The following CCBE1 variants were observed in gnomAD, a reference collection of about 807,000 sequenced individuals.
The protein encoded by CCBE1 is collagen and calcium binding EGF domains 1.
CCBE1 carries 37 observed loss-of-function variants against 50.0 expected under a neutral mutation model. That is an observed-to-expected ratio of 0.74 (90% CI 0.57 to 0.97). The LOEUF is 0.97. Ranked by LOEUF, CCBE1 falls within the 50% of genes least tolerant of loss-of-function variation. The probability of loss-of-function intolerance (pLI) is 0.00; values close to 1 mark genes in which losing one functional copy is unlikely to be tolerated. For synonymous variants in CCBE1, 234 were observed against 203.7 expected (o/e 1.15, Z -1.27); for missense variants, 538 against 523.8 (o/e 1.03, Z -0.26).
chr18:59,669,663 G>A (rs549649272), intron 2 of CCBE1, among the ~76,000 whole-genome samples: 97 of 152,346 alleles, frequency 6.4e-4, no homozygotes, highest in African/African-American at 2.3e-3. Context: ...GTGCCCTTGT[G>A]CTCTCAACCC....
intron 2 of CCBE1, among the ~76,000 whole-genome samples, chr18:59,529,317 C>A (rs1371840047): frequency 2.0e-5 from 3 of 152,240 alleles, no homozygotes; most frequent in Non-Finnish European, 4.4e-5. Flanking sequence ...ATCTCCCAGG[C>A]ACTGGCAGGG....
At chr18:59,695,126 G>C (rs1441420842) in intron 2 of CCBE1, among the ~76,000 whole-genome samples, 1 of 152,196 alleles carries the variant, frequency 6.6e-6, no homozygotes, top group African/African-American at 2.4e-5. Flanking sequence ...AACTGTCACT[G>C]ATTTATGTGA....
intron 2 of CCBE1, among the ~76,000 whole-genome samples, chr18:59,601,111 A>C (rs1408016138): frequency 7.4e-6 from 1 of 135,728 alleles, no homozygotes; most frequent in African/African-American, 2.8e-5. Flanking sequence ...GGCTCACTGC[A>C]ACCTCTGCCT....
intron 10 of CCBE1, 50 bp from the exon 11 acceptor site, chr18:59,436,191 C>T: frequency 6.6e-7 from 1 of 1,525,324 alleles, no homozygotes. Context: ...CAGCAATGGC[C>T]TCCGGGGCTC....
At chr18:59,562,703 T>TAC (rs1568208092) in intron 2 of CCBE1, among the ~76,000 whole-genome samples, 1 of 152,224 alleles carries the variant, frequency 6.6e-6, no homozygotes, top group Non-Finnish European at 1.5e-5. Flanking sequence ...GGGTCAAGAC[T>TAC]ACCTCATGAA....
rs1057269871 is a variant in CCBE1, at chr18:59,432,699, T to C, written c.*3209A>G. 2.0e-5 allele frequency: 3 copies of C among 152,206 alleles called. No individual in the cohort carries two copies. Among genetic ancestry groups the C allele is most frequent in the Admixed American group, 6.5e-5 (1 of 15,280 alleles). 9.4% of individuals were successfully genotyped at this position (152,206 alleles called of 1,614,324 possible). Reference sequence around the variant, plus strand: ...TGACATTATAAAATACAGGTTACCATAAGTTTTGCTGGAGAATATTATCTG... The same window carrying C: ...TGACATTATAAAATACAGGTTACCACAAGTTTTGCTGGAGAATATTATCTG... On this transcript the variant is annotated 3_prime_UTR_variant, in exon 11 of 11. Transcript: ENST00000439986.
chr18:59,696,812 G>A (rs566366635), intron 1 of CCBE1, 103 bp from the exon 2 acceptor site: 17 of 1,272,518 alleles, frequency 1.3e-5, no homozygotes, highest in African/African-American at 2.9e-5. Flanking sequence ...CAGGCTCCCC[G>A]TCCCGGCGCT....
rs76321231 is a variant in CCBE1 at position 59,566,151 on chromosome 18, T to C, written c.213-85913A>G. The stretch of plus-strand genomic sequence containing the variant: ...ACCAGGGTGCCCCGCAGGCAGCAGG[T>C]CAGGAAATCAATCAGATGCATGGTT... On this transcript the variant is annotated intron_variant, in intron 2 of 10. Coordinates refer to ENST00000439986, the MANE Select transcript of CCBE1 (RefSeq NM_133459.4). Among the ~76,000 whole-genome samples the C allele has an allele frequency of 2.1e-3, 325 of 152,296 alleles. 6 individuals are homozygous for C. The East Asian group carries it at 0.031, about 14-fold the overall frequency.
chr18:59,660,972 G>A (rs954892202), intron 2 of CCBE1, among the ~76,000 whole-genome samples: 3 of 151,716 alleles, frequency 2.0e-5, no homozygotes, highest in Non-Finnish European at 4.4e-5. Flanking sequence ...TTCTTCCCAT[G>A]ACTACTCAAT....
chr18:59,435,965 G>A lies in CCBE1; in HGVS notation c.1164C>T (p.Asp388=), dbSNP rs1910134997. Residue 388 remains aspartate, a synonymous_variant, in exon 11 of 11, where the codon GAC becomes GAT. Transcript: ENST00000439986. ...PEAMDLGSGD[D]HPRRTETRDL... is the part of the protein sequence containing the mutation. Reference sequence around the variant, plus strand: ...CTCTTGTCTCAGTTCTTCTTGGATGGTCATCTCCAGAGCCCAGGTCCATGG... The same window carrying A: ...CTCTTGTCTCAGTTCTTCTTGGATGATCATCTCCAGAGCCCAGGTCCATGG... 2 of 1,613,984 alleles carry A rather than the reference G, an allele frequency of 1.2e-6. No individual in the cohort carries two copies. Among genetic ancestry groups the A allele is most frequent in the African/African-American group, 2.7e-5 (2 of 74,894 alleles).
At chr18:59,596,493 G>A (rs778424539) in intron 2 of CCBE1, among the ~76,000 whole-genome samples, 1 of 152,132 alleles carries the variant, frequency 6.6e-6, no homozygotes, top group Non-Finnish European at 1.5e-5. Flanking sequence ...AGCATGCTAG[G>A]TCTAGACTGA....
chr18:59,470,088 A>G (rs1911958485), intron 3 of CCBE1, among the ~76,000 whole-genome samples: 1 of 152,308 alleles, frequency 6.6e-6, no homozygotes, highest in South Asian at 2.1e-4. Flanking sequence ...TTGTGTATAC[A>G]TGTCTAGTCT....
Position 59,625,430 on chromosome 18 carries a change from C to CAAAAAAAAAAAAAA in CCBE1, c.212+71185_212+71198dup, listed in dbSNP as rs750324482. 1.6e-3 allele frequency among the ~76,000 whole-genome samples: 109 copies of CAAAAAAAAAAAAAA among 69,872 alleles called. 7 individuals carry two copies. The highest frequency in any genetic ancestry group is 6.2e-3 in the African/African-American group (102 of 16,438). The allele number at this position is 69,872 out of a possible 152,430, so 45.8% of individuals were successfully genotyped here. On this transcript the variant is annotated intron_variant, in intron 2 of 10. Coordinates refer to ENST00000439986, the MANE Select transcript of CCBE1 (RefSeq NM_133459.4). ...TGGGCTACAGAGTGAGATTCTGTCT[C>CAAAAAAAAAAAAAA]AAAAAAAAAAAAAAAAAAAAAAAAT...
intron 2 of CCBE1, among the ~76,000 whole-genome samples, chr18:59,500,374 C>G (rs192237508): frequency 6.6e-6 from 1 of 152,150 alleles, no homozygotes; most frequent in Non-Finnish European, 1.5e-5. Context: ...ATGAAGTCTT[C>G]GGAGGAAGGG....
At chr18:59,587,697 C>G (rs2053197535) in intron 2 of CCBE1, among the ~76,000 whole-genome samples, 1 of 152,068 alleles carries the variant, frequency 6.6e-6, no homozygotes, top group African/African-American at 2.4e-5. Context: ...TTCTGAAAGT[C>G]TCAGCTACTG....
intron 2 of CCBE1, among the ~76,000 whole-genome samples, chr18:59,606,005 G>A (rs201271032): frequency 2.6e-5 from 4 of 152,170 alleles, no homozygotes; most frequent in Non-Finnish European, 5.9e-5. Flanking sequence ...CCTGAAGCAC[G>A]TCACTGCTCT....
chr18:59,697,378 C>A lies in CCBE1; in HGVS notation c.-36G>T. 1 of 1,538,626 alleles carries A rather than the reference C, an allele frequency of 6.5e-7. No homozygotes were observed. ...CCCGGCTTCTTCCCAGCGCCGAGCTCCGTCCGGACCAAGCGTCCTGCTCCT... is the reference window on the plus strand; with the variant it reads ...CCCGGCTTCTTCCCAGCGCCGAGCTACGTCCGGACCAAGCGTCCTGCTCCT... On this transcript the variant is annotated 5_prime_UTR_variant, in exon 1 of 11. Coordinates refer to ENST00000439986, the MANE Select transcript of CCBE1 (RefSeq NM_133459.4).
chr18:59,525,928 T>A (rs1014438306), intron 2 of CCBE1, among the ~76,000 whole-genome samples: 15 of 152,220 alleles, frequency 9.9e-5, no homozygotes, highest in African/African-American at 3.6e-4. Context: ...GAGTTTTCTA[T>A]TCTGTTCCAT....
At chr18:59,631,235 A>G (rs2053844958) in intron 2 of CCBE1, among the ~76,000 whole-genome samples, 1 of 151,976 alleles carries the variant, frequency 6.6e-6, no homozygotes, top group South Asian at 2.1e-4. Flanking sequence ...GGCATGAAGG[A>G]TAGCGAGAGG....
Sources: allele counts gnomAD v4.1 joint callset (sites outside exome capture counted in the v4.1 genomes callset), GRCh38; gene constraint gnomAD v4.1.1; transcripts MANE v1.5; gene names NCBI Gene and HGNC (gene_info 2026-07-23, HGNC 2026-07-21).